KCND3: variants seen among roughly 807,000 people sequenced by gnomAD.
KCND3 encodes A-type voltage-gated potassium channel KCND3.
A neutral mutation model predicts 51.1 loss-of-function variants in KCND3; 9 were observed. The observed-to-expected ratio is 0.18, with a 90% confidence interval of 0.11 to 0.31. KCND3 has a LOEUF of 0.31. Among genes scored for constraint, KCND3 ranks in the 10% least tolerant of loss-of-function variants. The probability of loss-of-function intolerance (pLI) is 1.00; values close to 1 mark genes in which losing one functional copy is unlikely to be tolerated. For synonymous variants in KCND3, 349 were observed against 368.0 expected (o/e 0.95, Z 0.59); for missense variants, 526 against 903.8 (o/e 0.58, Z 5.36).
At chr1:111,880,167 C>T (rs373670952) in intron 2 of KCND3, among the ~76,000 whole-genome samples, 2 of 152,190 alleles carry the variant, frequency 1.3e-5, no homozygotes, top group African/African-American at 4.8e-5. Flanking sequence ...TAGAACCTGC[C>T]TGGTATTCTA....
chr1:111,966,904 G>T (rs2101947885), intron 2 of KCND3, among the ~76,000 whole-genome samples: 1 of 152,246 alleles, frequency 6.6e-6, no homozygotes. Context: ...ACTTTGGGAG[G>T]CCAAGGTGGG....
At chr1:111,930,012 A>G (rs1671886754) in intron 2 of KCND3, among the ~76,000 whole-genome samples, 1 of 152,226 alleles carries the variant, frequency 6.6e-6, no homozygotes, top group Admixed American at 6.5e-5. Flanking sequence ...GGTGTGTCTG[A>G]TCCTACTCTG....
intron 2 of KCND3, among the ~76,000 whole-genome samples, chr1:111,928,121 G>T (rs1671799037): frequency 6.6e-6 from 1 of 152,018 alleles, no homozygotes; most frequent in Non-Finnish European, 1.5e-5. Flanking sequence ...GTATCTCTAG[G>T]TTATTAACTC....
intron 2 of KCND3, among the ~76,000 whole-genome samples, chr1:111,812,936 C>T (rs188757997): frequency 3.3e-4 from 51 of 152,326 alleles, no homozygotes; most frequent in African/African-American, 1.2e-3. Context: ...TCACTCCCAC[C>T]AAGATACAGT....
chr1:111,867,241 C>A (rs1366365641), intron 2 of KCND3, among the ~76,000 whole-genome samples: 1 of 152,142 alleles, frequency 6.6e-6, no homozygotes, highest in African/African-American at 2.4e-5. Context: ...GTAGAAAACC[C>A]AGTGAGTTGA....
At chr1:111,810,047 A>T (rs1479732535) in intron 2 of KCND3, among the ~76,000 whole-genome samples, 1 of 152,162 alleles carries the variant, frequency 6.6e-6, no homozygotes, top group Non-Finnish European at 1.5e-5. Context: ...ACAGGATATT[A>T]CTGAGATAAA....
At chr1:111,974,188 G>A (rs1674498814) in intron 2 of KCND3, among the ~76,000 whole-genome samples, 1 of 152,188 alleles carries the variant, frequency 6.6e-6, no homozygotes, top group African/African-American at 2.4e-5. Context: ...AAGCAGGCTG[G>A]ACAGAGGCTG....
intron 2 of KCND3, among the ~76,000 whole-genome samples, chr1:111,807,363 T>C (rs953524901): frequency 6.6e-6 from 1 of 152,240 alleles, no homozygotes; most frequent in East Asian, 1.9e-4. Flanking sequence ...TGTGTTACAG[T>C]TGTCTGCAGT....
intron 2 of KCND3, among the ~76,000 whole-genome samples, chr1:111,980,056 A>G (rs1362521945): frequency 2.6e-5 from 4 of 151,990 alleles, no homozygotes; most frequent in Non-Finnish European, 5.9e-5. Flanking sequence ...GATAAAGACG[A>G]CCTCTTGACA....
At chr1:111,974,102 T>A (rs1488107412) in intron 2 of KCND3, among the ~76,000 whole-genome samples, 1 of 152,178 alleles carries the variant, frequency 6.6e-6, no homozygotes, top group Non-Finnish European at 1.5e-5. Context: ...CATCTTCCCA[T>A]ACACCCATCA....
At chr1:111,859,057 C>A (rs868590895) in intron 2 of KCND3, among the ~76,000 whole-genome samples, 9 of 152,178 alleles carry the variant, frequency 5.9e-5, no homozygotes, top group African/African-American at 1.9e-4. Flanking sequence ...TTTTTCTCCA[C>A]ACAGCAGCCA....
chr1:111,777,008 G>A lies in KCND3; in HGVS notation c.1766+18C>T. 6.2e-7 allele frequency: 1 copy of A among 1,612,812 alleles called. No individual in the cohort carries two copies. Among genetic ancestry groups the A allele is most frequent in the Non-Finnish European group, 8.5e-7 (1 of 1,179,836 alleles). ...GATGATTCGAGCCTTTGCGGGTGAT[G>A]GGATGGAAGCCACCCACCTGGTTGT... On this transcript the variant is annotated intron_variant, in intron 7 of 7. Transcript: ENST00000302127.
intron 2 of KCND3, among the ~76,000 whole-genome samples, chr1:111,938,545 GA>G (rs1410559149): frequency 1.3e-5 from 2 of 152,208 alleles, no homozygotes; most frequent in Non-Finnish European, 2.9e-5. Context: ...GGGGGAAGGG[GA>G]TAGAGACAGC....
At chr1:111,918,092 A>C (rs1456367103) in intron 2 of KCND3, among the ~76,000 whole-genome samples, 1 of 152,214 alleles carries the variant, frequency 6.6e-6, no homozygotes, top group Admixed American at 6.5e-5. Context: ...ATTGTGGCAC[A>C]TAATAAGTGC....
chr1:111,961,445 C>T (rs1248306879), intron 2 of KCND3, among the ~76,000 whole-genome samples: 2 of 152,186 alleles, frequency 1.3e-5, no homozygotes, highest in African/African-American at 4.8e-5. Context: ...ATTCTTTTGT[C>T]TCTTTGGCAT....
intron 2 of KCND3, among the ~76,000 whole-genome samples, chr1:111,800,405 G>A (rs1211084216): frequency 4.7e-5 from 5 of 105,376 alleles, no homozygotes; most frequent in South Asian, 3.9e-4. Flanking sequence ...CAAACACTGC[G>A]GAAGGCCGCA....
At chr1:111,799,345 TA>T (rs1340147958) in intron 2 of KCND3, among the ~76,000 whole-genome samples, 1 of 152,126 alleles carries the variant, frequency 6.6e-6, no homozygotes, top group African/African-American at 2.4e-5. Flanking sequence ...AAATAAAGCA[TA>T]AAATCACAAA....
chr1:111,911,043 A>T (rs1252934570), intron 2 of KCND3: 12 of 152,190 alleles, frequency 7.9e-5, no homozygotes, highest in Admixed American at 7.9e-4. Context: ...CAGCATCCCA[A>T]AGAATGTACA....
chr1:111,966,636 C>A (rs1291200400), intron 2 of KCND3, among the ~76,000 whole-genome samples: 4 of 152,198 alleles, frequency 2.6e-5, no homozygotes, highest in Non-Finnish European at 5.9e-5. Context: ...TGTGCCAGGA[C>A]AGATGTATCA....
Sources: gnomAD v4.1 joint callset for allele counts (sites outside exome capture counted in the v4.1 genomes callset) on GRCh38, gnomAD v4.1.1 for gene constraint, MANE v1.5 for transcripts, NCBI Gene and HGNC (gene_info 2026-07-23, HGNC 2026-07-21) for gene names.